FRMPD4: variants seen among roughly 807,000 people sequenced by gnomAD.
FRMPD4 encodes FERM and PDZ domain containing 4.
FRMPD4 carries 22 observed loss-of-function variants against 94.1 expected under a neutral mutation model. That is an observed-to-expected ratio of 0.23 (90% CI 0.17 to 0.33). The LOEUF is 0.33. FRMPD4 is among the 10% of genes least tolerant of loss of function. The pLI, the probability that FRMPD4 is intolerant of heterozygous loss-of-function variation, is 1.00. For synonymous variants in FRMPD4, 631 were observed against 548.6 expected (o/e 1.15, Z -2.10); for missense variants, 1,111 against 1,339.9 (o/e 0.83, Z 2.67).
At chrX:12,031,750 G>C (rs1335663781) in intron 3 of FRMPD4, among the ~76,000 whole-genome samples, 2 of 111,741 alleles carry the variant, frequency 1.8e-5, no homozygotes, top group Non-Finnish European at 3.8e-5. Context: ...GTGTACAGGA[G>C]ACTTACGTAA....
chrX:12,162,783 G>A (rs773357461), intron 1 of FRMPD4, among the ~76,000 whole-genome samples: 8 of 111,573 alleles, frequency 7.2e-5, no homozygotes, highest in Non-Finnish European at 1.1e-4. Flanking sequence ...GGTGAACATG[G>A]CATTTTCAGG....
chrX:12,130,126 G>GAC (rs1267667382), intron 3 of FRMPD4, among the ~76,000 whole-genome samples: 1 of 102,205 alleles, frequency 9.8e-6, no homozygotes, highest in Admixed American at 1.1e-4. Context: ...GAGAGAGAGA[G>GAC]AGAGAGAGAA....
intron 1 of FRMPD4, among the ~76,000 whole-genome samples, chrX:12,288,541 A>G (rs1315811082): frequency 9.0e-6 from 1 of 111,457 alleles, no homozygotes; most frequent in East Asian, 2.8e-4. Context: ...CTGGCACCCA[A>G]AGGAAGAAAT....
chrX:12,253,174 C>T (rs2054067058), intron 1 of FRMPD4, among the ~76,000 whole-genome samples: 1 of 111,955 alleles, frequency 8.9e-6, no homozygotes, highest in African/African-American at 3.3e-5. Context: ...CATAGACTTA[C>T]TGCCAGTCCT....
rs2056803983 is a variant in FRMPD4, at chrX:12,416,562, C to T, written c.42-82118C>T. ...GATCTTTTCCTCTTAATAGTTGTGG[C>T]ATTTTCTCTGAGATAAATTTTCATA... On this transcript the variant is annotated intron_variant, in intron 1 of 16. Transcript: ENST00000675598. Among the ~76,000 whole-genome samples the T allele has an allele frequency of 1.8e-5, 2 of 112,386 alleles. 1 individual carries two copies. Among genetic ancestry groups the T allele is most frequent in the Non-Finnish European group, 3.8e-5 (2 of 53,175 alleles).
chrX:12,196,205 G>A (rs1456791451), intron 1 of FRMPD4, among the ~76,000 whole-genome samples: 3 of 111,250 alleles, frequency 2.7e-5, no homozygotes, highest in Non-Finnish European at 5.7e-5. Flanking sequence ...CAGTTGTGGG[G>A]CAATGATCAT....
chrX:12,039,152 A>G lies in FRMPD4; in HGVS notation c.95+161134A>G, dbSNP rs768139783. Among the ~76,000 whole-genome samples, 86 of 110,015 alleles carry G rather than the reference A, an allele frequency of 7.8e-4. 1 individual carries two copies. The highest frequency in any genetic ancestry group is 3.9e-3 in the South Asian group (10 of 2,570). On this transcript the variant is annotated intron_variant, in intron 3 of 18. Transcript: ENST00000640291. Reference sequence around the variant, plus strand: ...CAGGTAGCTGGGACCACAGGCATGTACCAACAAGCCTGGCTATTTATTTTT... The same window carrying G: ...CAGGTAGCTGGGACCACAGGCATGTGCCAACAAGCCTGGCTATTTATTTTT...
chrX:12,356,103 A>G (rs1341464719), intron 1 of FRMPD4, among the ~76,000 whole-genome samples: 7 of 111,266 alleles, frequency 6.3e-5, no homozygotes, highest in Non-Finnish European at 1.3e-4. Flanking sequence ...TCAGATCTTT[A>G]AGGAGTCAGA....
intron 1 of FRMPD4, among the ~76,000 whole-genome samples, chrX:12,320,852 C>T (rs1308778904): frequency 9.0e-6 from 1 of 110,907 alleles, no homozygotes; most frequent in Non-Finnish European, 1.9e-5. Context: ...TAACTAAAAA[C>T]TGAAAAAAAA....
At chrX:12,040,979 G>A (rs1386996351) in intron 3 of FRMPD4, among the ~76,000 whole-genome samples, 3 of 110,071 alleles carry the variant, frequency 2.7e-5, no homozygotes, top group African/African-American at 1.0e-4. Flanking sequence ...TGTTTTCTTA[G>A]TGGTTACTCT....
At chrX:12,477,238 A>T (rs957005445) in intron 1 of FRMPD4, among the ~76,000 whole-genome samples, 1 of 111,096 alleles carries the variant, frequency 9.0e-6, no homozygotes, top group Non-Finnish European at 1.9e-5. Context: ...TCTCACTCGT[A>T]GGTGGGGATT....
At chrX:12,166,966 T>C (rs5978489) in intron 1 of FRMPD4, among the ~76,000 whole-genome samples, 52,680 of 109,251 alleles carry the variant, frequency 0.48, 10,643 homozygotes, top group East Asian at 0.82. Context: ...GTCTTGCTAG[T>C]GGTCTATCAA....
intron 1 of FRMPD4, among the ~76,000 whole-genome samples, chrX:12,262,089 C>A (rs1386353171): frequency 9.0e-6 from 1 of 110,854 alleles, no homozygotes; most frequent in Non-Finnish European, 1.9e-5. Context: ...CACACTCTAG[C>A]CCACTGACCA....
chrX:12,255,515 T>C (rs781351032), intron 1 of FRMPD4, among the ~76,000 whole-genome samples: 1 of 111,906 alleles, frequency 8.9e-6, no homozygotes, highest in Non-Finnish European at 1.9e-5. Flanking sequence ...AGTGGAAAAA[T>C]ATTTTATGAA....
intron 1 of FRMPD4, among the ~76,000 whole-genome samples, chrX:12,217,533 A>G (rs1483478488): frequency 1.8e-5 from 2 of 112,176 alleles, no homozygotes; most frequent in African/African-American, 6.5e-5. Flanking sequence ...ATGATTCACC[A>G]CATAGGTACT....
chrX:12,691,536 G>A, intron 8 of FRMPD4, among the ~76,000 whole-genome samples: 1 of 111,243 alleles, frequency 9.0e-6, no homozygotes, highest in East Asian at 2.8e-4. Context: ...TGGAAATAAA[G>A]GACTTATTTT....
chrX:12,363,624 A>G (rs938336510), intron 1 of FRMPD4, among the ~76,000 whole-genome samples: 1 of 112,753 alleles, frequency 8.9e-6, no homozygotes, highest in Non-Finnish European at 1.9e-5. Flanking sequence ...CCATACTGCC[A>G]GGGCTTTGAT....
intron 3 of FRMPD4, among the ~76,000 whole-genome samples, chrX:11,912,368 C>G (rs2054001257): frequency 1.8e-5 from 2 of 112,642 alleles, no homozygotes; most frequent in South Asian, 3.7e-4. Flanking sequence ...ATTTTCCTCC[C>G]TGTCTTCAAT....
intron 1 of FRMPD4, among the ~76,000 whole-genome samples, chrX:12,302,645 T>C (rs2147893693): frequency 8.9e-6 from 1 of 111,734 alleles, no homozygotes; most frequent in East Asian, 2.8e-4. Context: ...GTCTATTCCT[T>C]ATACTTGGGT....
Sources: gnomAD v4.1 joint callset for allele counts (sites outside exome capture counted in the v4.1 genomes callset) on GRCh38, gnomAD v4.1.1 for gene constraint, MANE v1.5 for transcripts, NCBI Gene and HGNC (gene_info 2026-07-23, HGNC 2026-07-21) for gene names.